CPNE4: variants seen among roughly 807,000 people sequenced by gnomAD.
The protein encoded by CPNE4 is copine-4.
CPNE4 carries 25 observed loss-of-function variants against 67.9 expected under a neutral mutation model. That is an observed-to-expected ratio of 0.37 (90% confidence interval 0.27 to 0.51). The LOEUF (loss-of-function observed/expected upper bound fraction) is 0.51. CPNE4 is among the 20% of genes least tolerant of loss of function. CPNE4 has a pLI of 0.93. For synonymous variants in CPNE4, 242 were observed against 244.9 expected (o/e 0.99, Z 0.11); for missense variants, 464 against 690.8 (o/e 0.67, Z 3.68).
chr3:132,020,661 C>T (rs935654630), intron 1 of CPNE4, among the ~76,000 whole-genome samples: 6 of 152,130 alleles, frequency 3.9e-5, no homozygotes, highest in Non-Finnish European at 7.3e-5. Flanking sequence ...CCATCATCTC[C>T]ACCCCTCCAA....
intron 1 of CPNE4, among the ~76,000 whole-genome samples, chr3:132,014,177 G>A (rs1218805191): frequency 1.3e-5 from 2 of 152,176 alleles, no homozygotes; most frequent in African/African-American, 2.4e-5. Context: ...CTGCAGCTCT[G>A]TAAAGAAAGC....
intron 2 of CPNE4, among the ~76,000 whole-genome samples, chr3:131,787,790 C>G (rs183163008): frequency 4.6e-5 from 7 of 152,180 alleles, no homozygotes; most frequent in African/African-American, 1.7e-4. Context: ...TGATAAGTTC[C>G]TGGAAGGCAG....
At chr3:132,002,445 T>G (rs1329379397) in intron 1 of CPNE4, among the ~76,000 whole-genome samples, 1 of 152,156 alleles carries the variant, frequency 6.6e-6, no homozygotes, top group African/African-American at 2.4e-5. Context: ...CTAATTTTTC[T>G]TGCCACATCT....
intron 2 of CPNE4, among the ~76,000 whole-genome samples, chr3:131,754,711 T>C (rs1303626006): frequency 2.6e-5 from 4 of 152,272 alleles, no homozygotes; most frequent in African/African-American, 9.6e-5. Flanking sequence ...TGAAGTTGTA[T>C]AAATCAGGTG....
intron 2 of CPNE4, among the ~76,000 whole-genome samples, chr3:131,738,703 A>T (rs1229140625): frequency 6.6e-6 from 1 of 151,954 alleles, no homozygotes; most frequent in Non-Finnish European, 1.5e-5. Context: ...TACCTAGGGG[A>T]TATGTTTAGT....
At chr3:131,562,855 G>A (rs1400121836) in intron 11 of CPNE4, among the ~76,000 whole-genome samples, 15 of 152,010 alleles carry the variant, frequency 9.9e-5, no homozygotes. Flanking sequence ...TATAAGAGGT[G>A]TTTTTCCAAA....
At chr3:131,728,488 C>T (rs925277628) in intron 2 of CPNE4, among the ~76,000 whole-genome samples, 53 of 152,104 alleles carry the variant, frequency 3.5e-4, no homozygotes, top group African/African-American at 1.3e-3. Context: ...ATCATCCAGA[C>T]GACAAACATA....
intron 2 of CPNE4, among the ~76,000 whole-genome samples, chr3:131,889,853 C>T (rs1045702135): frequency 1.8e-4 from 28 of 152,252 alleles, no homozygotes; most frequent in African/African-American, 6.7e-4. Flanking sequence ...AGGATAGTCT[C>T]TTCAATAAAT....
At chr3:131,762,216 T>C (rs2082905363) in intron 2 of CPNE4, among the ~76,000 whole-genome samples, 1 of 152,068 alleles carries the variant, frequency 6.6e-6, no homozygotes, top group Non-Finnish European at 1.5e-5. Context: ...CTTCTCTCTC[T>C]CTGTATGTCA....
intron 2 of CPNE4, among the ~76,000 whole-genome samples, chr3:131,891,963 T>C (rs569824416): frequency 5.3e-5 from 8 of 152,116 alleles, no homozygotes; most frequent in African/African-American, 1.4e-4. Flanking sequence ...AGAAGTACAC[T>C]GAAGGGCACC....
At chr3:131,609,804 G>T (rs1384311903) in intron 7 of CPNE4, among the ~76,000 whole-genome samples, 1 of 152,050 alleles carries the variant, frequency 6.6e-6, no homozygotes, top group Non-Finnish European at 1.5e-5. Flanking sequence ...TGCCATATTT[G>T]TGTTTGTTCA....
intron 2 of CPNE4, among the ~76,000 whole-genome samples, chr3:131,778,305 G>A (rs539724305): frequency 1.3e-5 from 2 of 152,154 alleles, no homozygotes; most frequent in East Asian, 3.9e-4. Flanking sequence ...CTCCTATCGT[G>A]TACCCTTCCC....
In CPNE4 at chr3:131,786,777, G is replaced by T. The variant is rs1408488974; in HGVS notation, c.181-63152C>A. Among the ~76,000 whole-genome samples, 4 of 152,288 alleles carry T rather than the reference G, an allele frequency of 2.6e-5. No individual in the cohort carries two copies. In the East Asian group the frequency reaches 7.7e-4, roughly 29 times the overall value. The stretch of plus-strand genomic sequence containing the variant: ...GATTAAGTGAGAATATCCTTAAAAA[G>T]TACATGGCGCAGTGCTTGGCCCATA... On this transcript the variant is annotated intron_variant, in intron 2 of 15. Coordinates refer to ENST00000429747, the MANE Select transcript of CPNE4 (RefSeq NM_130808.3).
chr3:131,855,786 C>CT (rs781629055), intron 2 of CPNE4, among the ~76,000 whole-genome samples: 3 of 151,930 alleles, frequency 2.0e-5, no homozygotes, highest in Non-Finnish European at 2.9e-5. Context: ...ATAAAGACCT[C>CT]TTCCAGACAT....
At chr3:131,989,710 A>T (rs1044293020) in intron 1 of CPNE4, among the ~76,000 whole-genome samples, 1 of 136,904 alleles carries the variant, frequency 7.3e-6, no homozygotes, top group Non-Finnish European at 1.7e-5. Context: ...TGAGGTGGTG[A>T]TAGGTGAGGA....
intron 5 of CPNE4, among the ~76,000 whole-genome samples, chr3:131,696,185 A>G (rs894786829): frequency 2.0e-5 from 3 of 152,238 alleles, no homozygotes; most frequent in Admixed American, 6.5e-5. Flanking sequence ...TTAAACCTGT[A>G]CTTGGCAAAC....
At chr3:132,019,794 C>T (rs1004470579) in intron 1 of CPNE4, among the ~76,000 whole-genome samples, 1 of 152,110 alleles carries the variant, frequency 6.6e-6, no homozygotes, top group African/African-American at 2.4e-5. Context: ...TTAGAACTGT[C>T]AGAAACAAAA....
chr3:131,959,637 A>G lies in CPNE4; in HGVS notation c.-1-54193T>C, dbSNP rs116335546. On this transcript the variant is annotated intron_variant, in intron 1 of 15. Transcript: ENST00000429747. ...AAATCCAATTAAAAAATATATATTT[A>G]TCTTCCACTCAGTCTAGCTTACTTG... 1.7e-3 allele frequency among the ~76,000 whole-genome samples: 254 copies of G among 152,310 alleles called. 1 individual carries two copies. The highest frequency in any genetic ancestry group is 5.8e-3 in the African/African-American group (239 of 41,562).
intron 2 of CPNE4, among the ~76,000 whole-genome samples, chr3:131,781,761 G>C (rs2083437054): frequency 6.6e-6 from 1 of 152,086 alleles, no homozygotes; most frequent in East Asian, 1.9e-4. Context: ...AGAAAGCTTA[G>C]TTAATGTTTC....
Sources: gnomAD v4.1 joint callset for allele counts (sites outside exome capture counted in the v4.1 genomes callset) on GRCh38, gnomAD v4.1.1 for gene constraint, MANE v1.5 for transcripts, NCBI Gene and HGNC (gene_info 2026-07-23, HGNC 2026-07-21) for gene names.